MSR1: variants seen among roughly 807,000 people sequenced by gnomAD.
The protein encoded by MSR1 is macrophage scavenger receptor 1.
A neutral mutation model predicts 47.2 loss-of-function variants in MSR1; 53 were observed. The observed-to-expected ratio is 1.12, with a 90% CI of 0.90 to 1.41. The LOEUF (loss-of-function observed/expected upper bound fraction) is 1.41, where lower values mean the gene tolerates loss of function less well. Among genes scored for constraint, MSR1 ranks in the 40% most tolerant of loss-of-function variants. The pLI, the probability that MSR1 is intolerant of heterozygous loss-of-function variation, is 0.00. For synonymous variants in MSR1, 239 were observed against 185.6 expected (o/e 1.29, Z -2.34); for missense variants, 786 against 546.9 (o/e 1.44, Z -4.36).
chr8:16,185,746 G>T (rs190409909), intron 1 of MSR1, among the ~76,000 whole-genome samples: 191 of 151,720 alleles, frequency 1.3e-3, no homozygotes, highest in African/African-American at 4.5e-3. Context: ...GAAAATCCAA[G>T]GGCATTAAGA....
intron 7 of MSR1, among the ~76,000 whole-genome samples, chr8:16,148,230 A>G (rs1300395480): frequency 6.6e-6 from 1 of 152,088 alleles, no homozygotes; most frequent in African/African-American, 2.4e-5. Context: ...CTAATTGCTT[A>G]TGCATTTTTT....
chr8:16,155,206 CT>C, intron 5 of MSR1, 62 bp from the exon 6 acceptor site: 2 of 1,206,806 alleles, frequency 1.7e-6, no homozygotes, highest in African/African-American at 3.0e-5. Flanking sequence ...GGTTAGTCAT[CT>C]GTCAAGGTAC....
chr8:16,161,511 T>C (rs1330023000), intron 5 of MSR1, among the ~76,000 whole-genome samples: 1 of 152,018 alleles, frequency 6.6e-6, no homozygotes, highest in Non-Finnish European at 1.5e-5. Context: ...ATATGTGTTC[T>C]GTATAAGCAA....
At position 16,108,762 on chromosome 8, in the gene MSR1, T is replaced by G. The variant is rs957789854; in HGVS notation, c.*1323A>C. ...CAATTCCAAGGTAAGGTTTTGCCTT[T>G]TTAAGTTGGACGGCTGTGAGTCTAC... On this transcript the variant is annotated 3_prime_UTR_variant, in exon 10 of 10. Coordinates refer to ENST00000262101, the MANE Select transcript of MSR1 (RefSeq NM_138715.3). 1.3e-5 allele frequency: 2 copies of G among 152,156 alleles called. No homozygotes were observed. The highest frequency in any genetic ancestry group is 4.8e-5 in the African/African-American group (2 of 41,454). 9.4% of individuals were successfully genotyped at this position (152,156 alleles called of 1,614,324 possible).
intron 5 of MSR1, among the ~76,000 whole-genome samples, chr8:16,156,540 C>T (rs1484750): frequency 0.081 from 12,356 of 151,774 alleles, 1,470 homozygotes; most frequent in African/African-American, 0.26. Flanking sequence ...TCCCTTTCTC[C>T]TCATATGCAA....
intron 1 of MSR1, among the ~76,000 whole-genome samples, chr8:16,187,860 CA>C (rs1802048614): frequency 6.6e-6 from 1 of 152,096 alleles, no homozygotes; most frequent in African/African-American, 2.4e-5. Context: ...CACTTTGCTT[CA>C]AAAGCATTTA....
At chr8:16,119,937 A>T (rs1799958461) in intron 9 of MSR1, among the ~76,000 whole-genome samples, 2 of 146,058 alleles carry the variant, frequency 1.4e-5, no homozygotes, top group Non-Finnish European at 3.0e-5. Flanking sequence ...GCTGGTCTTG[A>T]ACTCATTTAT....
At chr8:16,152,629 T>C (rs1800891852) in intron 6 of MSR1, among the ~76,000 whole-genome samples, 1 of 152,062 alleles carries the variant, frequency 6.6e-6, no homozygotes, top group Non-Finnish European at 1.5e-5. Flanking sequence ...ACCTTGTTAT[T>C]GATCACATTG....
chr8:16,139,320 C>T, intron 8 of MSR1: 1 of 981,158 alleles, frequency 1.0e-6, no homozygotes. Flanking sequence ...GCATACCTTA[C>T]ATCTTTAAAG....
chr8:16,138,001 G>C (rs1194434173), intron 8 of MSR1, among the ~76,000 whole-genome samples: 7 of 134,372 alleles, frequency 5.2e-5, no homozygotes, highest in Non-Finnish European at 9.7e-5. Flanking sequence ...CTTAAAAAAA[G>C]ATAAAGGAAA....
intron 8 of MSR1, among the ~76,000 whole-genome samples, chr8:16,132,640 A>C (rs932624033): frequency 6.6e-6 from 1 of 151,976 alleles, no homozygotes; most frequent in African/African-American, 2.4e-5. Context: ...GGCACCCACC[A>C]CCACACTGGC....
chr8:16,148,268 A>T (rs73665215), intron 7 of MSR1, among the ~76,000 whole-genome samples: 2 of 152,058 alleles, frequency 1.3e-5, no homozygotes, highest in African/African-American at 4.8e-5. Flanking sequence ...TAAGAAAAGC[A>T]GCTGTGCTGT....
intron 8 of MSR1, among the ~76,000 whole-genome samples, chr8:16,135,546 GTGT>G (rs1800368488): frequency 6.6e-6 from 1 of 152,132 alleles, no homozygotes; most frequent in Admixed American, 6.5e-5. Flanking sequence ...AGAAAGACTG[GTGT>G]TGTTTTCATG....
At position 16,114,052 on chromosome 8, in the gene MSR1, T is replaced by C. The variant is rs910437180; in HGVS notation, c.1223-3834A>G. On this transcript the variant is annotated intron_variant, in intron 9 of 9. Transcript: ENST00000262101. ...AGCCCTATACTACTTTCCATAATAT[T>C]TAACATTCAAATGTTTACATTTTAA... is the stretch of plus-strand genomic sequence containing the variant. Among the ~76,000 whole-genome samples, 9 of 152,126 alleles carry C rather than the reference T, an allele frequency of 5.9e-5. 1 individual carries two copies. Among genetic ancestry groups the C allele is most frequent in the African/African-American group, 2.2e-4 (9 of 41,440 alleles).
chr8:16,115,688 C>G (rs947224555), intron 9 of MSR1, among the ~76,000 whole-genome samples: 1 of 152,012 alleles, frequency 6.6e-6, no homozygotes, highest in Non-Finnish European at 1.5e-5. Flanking sequence ...GAAACAACAG[C>G]TAAGTCAAAC....
chr8:16,178,039 A>C, intron 1 of MSR1, 47 bp from the exon 2 acceptor site: 4 of 1,429,082 alleles, frequency 2.8e-6, no homozygotes, highest in Non-Finnish European at 3.9e-6. Context: ...TGAAATGGCT[A>C]GGGCTCTTTT....
intron 7 of MSR1, among the ~76,000 whole-genome samples, chr8:16,144,978 A>AT (rs35576064): frequency 0.14 from 21,859 of 151,906 alleles, 2,647 homozygotes; most frequent in East Asian, 0.44. Context: ...CTTAGAGAAG[A>AT]TTTTGGATCC....
intron 5 of MSR1, among the ~76,000 whole-genome samples, chr8:16,159,425 C>G (rs1250598050): frequency 6.6e-6 from 1 of 151,820 alleles, no homozygotes; most frequent in Non-Finnish European, 1.5e-5. Context: ...TTCTTTAAGG[C>G]TCTAATTATT....
chr8:16,132,887 A>C (rs895093272), intron 8 of MSR1, among the ~76,000 whole-genome samples: 2 of 152,108 alleles, frequency 1.3e-5, no homozygotes, highest in African/African-American at 4.8e-5. Context: ...TGCCCATTTA[A>C]TATGATGTCG....
Sources: gnomAD v4.1 joint callset for allele counts (sites outside exome capture counted in the v4.1 genomes callset) on GRCh38, gnomAD v4.1.1 for gene constraint, MANE v1.5 for transcripts, NCBI Gene and HGNC (gene_info 2026-07-23, HGNC 2026-07-21) for gene names.